Variants in MBTPS1 observed in about 807,000 individuals in gnomAD.
The protein encoded by MBTPS1 is membrane bound transcription factor peptidase, site 1, also known as membrane-bound transcription factor site-1 protease.
MBTPS1 carries 94 observed loss-of-function variants against 127.8 expected under a neutral mutation model. That is an observed-to-expected ratio of 0.74 (90% confidence interval 0.62 to 0.87). MBTPS1 has a LOEUF of 0.87. Ranked by LOEUF, MBTPS1 falls within the 40% of genes least tolerant of loss-of-function variation. MBTPS1 has a pLI of 0.00. For synonymous variants in MBTPS1, 632 were observed against 509.4 expected (o/e 1.24, Z -3.24); for missense variants, 1,636 against 1,353.2 (o/e 1.21, Z -3.28).
At chr16:84,111,722 T>A (rs896140897) in intron 1 of MBTPS1, among the ~76,000 whole-genome samples, 3 of 152,172 alleles carry the variant, frequency 2.0e-5, no homozygotes, top group African/African-American at 7.2e-5. Flanking sequence ...GTGAGGCGGA[T>A]TCTGGACTTC....
chr16:84,106,597 G>A (rs2086326811), intron 1 of MBTPS1, among the ~76,000 whole-genome samples: 1 of 152,212 alleles, frequency 6.6e-6, no homozygotes, highest in Non-Finnish European at 1.5e-5. Flanking sequence ...GAGGAAACCG[G>A]GAGACAGCCC....
chr16:84,106,883 C>T (rs981093525), intron 1 of MBTPS1, among the ~76,000 whole-genome samples: 3 of 152,140 alleles, frequency 2.0e-5, no homozygotes, highest in Non-Finnish European at 4.4e-5. Context: ...ATGGGCTGTC[C>T]ACCAGATGTG....
intron 5 of MBTPS1, 84 bp downstream of exon 5, chr16:84,093,627 A>C: frequency 1.0e-6 from 1 of 981,858 alleles, no homozygotes; most frequent in South Asian, 1.4e-5. Flanking sequence ...TGTCTGAATA[A>C]TTGCTGGACA....
At chr16:84,106,025 T>C (rs1005235555) in intron 1 of MBTPS1, among the ~76,000 whole-genome samples, 5 of 152,152 alleles carry the variant, frequency 3.3e-5, no homozygotes, top group Non-Finnish European at 2.9e-5. Flanking sequence ...CTAGGCACGA[T>C]GGGTCACACC....
intron 9 of MBTPS1, among the ~76,000 whole-genome samples, chr16:84,085,564 CG>C (rs2086008465): frequency 1.7e-5 from 2 of 117,218 alleles, no homozygotes; most frequent in African/African-American, 3.2e-5. Context: ...CCCTCAGCCC[CG>C]CACCCGCCCC....
chr16:84,114,538 T>G (rs2086442771), intron 1 of MBTPS1, among the ~76,000 whole-genome samples: 1 of 151,892 alleles, frequency 6.6e-6, no homozygotes, highest in Admixed American at 6.6e-5. Context: ...TACTTTAAAA[T>G]GCCTTTCCTC....
intron 11 of MBTPS1, among the ~76,000 whole-genome samples, chr16:84,078,820 C>G (rs1377950537): frequency 6.6e-6 from 1 of 152,160 alleles, no homozygotes. Flanking sequence ...TATGTATGTG[C>G]TCATTTGTGG....
intron 7 of MBTPS1, among the ~76,000 whole-genome samples, 171 bp downstream of exon 7, chr16:84,091,561 C>T (rs1281398886): frequency 1.3e-5 from 2 of 151,754 alleles, no homozygotes; most frequent in Non-Finnish European, 2.9e-5. Flanking sequence ...GCCTCTAACC[C>T]ACTCAATTTA....
At chr16:84,109,563 T>C (rs2086371869) in intron 1 of MBTPS1, 1 of 151,766 alleles carries the variant, frequency 6.6e-6, no homozygotes, top group Non-Finnish European at 1.5e-5. Context: ...TTCTGGGAGG[T>C]TCCTGACAAA....
In MBTPS1 at chr16:84,097,837, C is replaced by CGTGTGTATGTGTGT. The variant is rs377529384; in HGVS notation, c.421+1215_421+1216insACACACATACACAC. On this transcript the variant is annotated intron_variant, in intron 3 of 22. Coordinates refer to ENST00000343411, the MANE Select transcript of MBTPS1 (RefSeq NM_003791.4). ...TTACTATGAAAATTAAACTTCTCTT[C>CGTGTGTATGTGTGT]GTGTGTGTGTGTGTGTGTGTGTGTG... Among the ~76,000 whole-genome samples, 833 of 143,126 alleles carry CGTGTGTATGTGTGT rather than the reference C, an allele frequency of 5.8e-3. 10 individuals carry two copies. The highest frequency in any genetic ancestry group is 0.02 in the African/African-American group (787 of 39,094). 93.9% of individuals were successfully genotyped at this position (143,126 alleles called of 152,430 possible).
rs990683276 is a variant in MBTPS1 at position 84,081,279 on chromosome 16, A to G, written c.1448+468T>C. 2.0e-5 allele frequency among the ~76,000 whole-genome samples: 3 copies of G among 152,240 alleles called. No individual in the cohort carries two copies. In the East Asian group the frequency reaches 5.8e-4, roughly 29 times the overall value. The stretch of plus-strand genomic sequence containing the variant: ...GAAAACAAAGCAGGGCCCAGGCCGG[A>G]CGGGAGTACCACAGGAGCTGGCGAG... On this transcript the variant is annotated intron_variant, in intron 11 of 22. Coordinates refer to ENST00000343411, the MANE Select transcript of MBTPS1 (RefSeq NM_003791.4).
At chr16:84,096,347 GGAGT>G (rs1385976780) in intron 3 of MBTPS1, among the ~76,000 whole-genome samples, 1 of 152,190 alleles carries the variant, frequency 6.6e-6, no homozygotes, top group African/African-American at 2.4e-5. Flanking sequence ...GGACTACACA[GGAGT>G]GAGAGACAGG....
At chr16:84,115,191 T>C (rs939331224) in intron 1 of MBTPS1, among the ~76,000 whole-genome samples, 2 of 152,158 alleles carry the variant, frequency 1.3e-5, no homozygotes, top group African/African-American at 4.8e-5. Flanking sequence ...CCTCCCAAAT[T>C]GTGGGATTAC....
chr16:84,080,002 C>G (rs1201604173), intron 11 of MBTPS1, among the ~76,000 whole-genome samples: 1 of 152,138 alleles, frequency 6.6e-6, no homozygotes, highest in Non-Finnish European at 1.5e-5. Context: ...GAACTGATAC[C>G]AAGGCTAGAG....
Position 84,060,780 on chromosome 16 carries a change from T to C in MBTPS1, c.2606A>G (p.Tyr869Cys). ...CFWLLDALLQYTSYGVTPPSL... is the reference protein window; with the variant it reads ...CFWLLDALLQCTSYGVTPPSL... ...AGGCGGTGTCACCCCATACGATGTG[T>C]ACTGGAGGAGGGCATCCAGAAGCCA... is the stretch of plus-strand genomic sequence containing the variant. The change falls in exon 20 of 23, where the codon TAC (tyrosine) becomes TGC (cysteine). Residue 869 changes from tyrosine to cysteine, a missense_variant. Physicochemically the swap from Tyr to Cys is radical, Grantham distance 194. Transcript: ENST00000343411. The C allele has an allele frequency of 1.2e-6, 2 of 1,600,726 alleles. No homozygotes were observed. The highest frequency in any genetic ancestry group is 1.7e-6 in the Non-Finnish European group (2 of 1,173,666).
At chr16:84,075,801 T>TA (rs1178499264) in intron 11 of MBTPS1, 1 of 152,134 alleles carries the variant, frequency 6.6e-6, no homozygotes, top group African/African-American at 2.4e-5. Flanking sequence ...ATATCACAGT[T>TA]AAGTTATCTC....
chr16:84,090,261 C>T (rs2086085290), intron 8 of MBTPS1, among the ~76,000 whole-genome samples: 1 of 152,196 alleles, frequency 6.6e-6, no homozygotes, highest in South Asian at 2.1e-4. Flanking sequence ...CAGACAGGAG[C>T]GTACTGGCTG....
rs141202319 is a variant in MBTPS1, at chr16:84,067,772, G to A, written c.2123C>T (p.Ala708Val). The A allele has an allele frequency of 1.2e-6, 2 of 1,614,092 alleles. No homozygotes were observed. The highest frequency in any genetic ancestry group is 1.7e-6 in the Non-Finnish European group (2 of 1,179,956). ...GTTGTCCACGTCCCTCCGGAGCTTG[G>A]CGATCTCTTCAGGGAAGTACTCCTC... The part of the protein sequence containing the change: ...SEEEYFPEEI[A>V]KLRRDVDNGL... Residue 708 changes from alanine (A) to valine (V), a missense_variant, in exon 16 of 23, where the codon GCC becomes GTC. By Grantham distance (64) the Ala-to-Val change is moderately conservative (BLOSUM62 0). Transcript: ENST00000343411.
intron 3 of MBTPS1, 74 bp from the exon 4 acceptor site, chr16:84,095,879 C>A: frequency 8.2e-7 from 1 of 1,218,376 alleles, no homozygotes; most frequent in South Asian, 1.3e-5. Context: ...GCAAAACTAT[C>A]CTAAACACAG....
Sources: allele counts gnomAD v4.1 joint callset (sites outside exome capture counted in the v4.1 genomes callset), GRCh38; gene constraint gnomAD v4.1.1; transcripts MANE v1.5; gene names NCBI Gene and HGNC (gene_info 2026-07-23, HGNC 2026-07-21).